ADA2: variants seen among roughly 807,000 people sequenced by gnomAD.
ADA2 encodes adenosine deaminase CECR1.
ADA2 carries 29 observed loss-of-function variants against 44.2 expected under a neutral mutation model. The observed-to-expected ratio is 0.66, with a 90% CI of 0.49 to 0.89. The LOEUF (loss-of-function observed/expected upper bound fraction) is 0.89, where lower values mean the gene tolerates loss of function less well. Among genes scored for constraint, ADA2 ranks in the 40% least tolerant of loss-of-function variants. The probability of loss-of-function intolerance (pLI) is 0.00; values close to 1 mark genes in which losing one functional copy is unlikely to be tolerated. For missense variants in ADA2, 637 were observed against 644.8 expected (o/e 0.99, Z 0.13); for synonymous variants, 215 against 234.9 (o/e 0.92, Z 0.77).
chr22:17,185,948 C>A (rs563412810), intron 7 of ADA2, among the ~76,000 whole-genome samples: 1 of 152,140 alleles, frequency 6.6e-6, no homozygotes, highest in Admixed American at 6.5e-5. Context: ...AAATTGCAGC[C>A]GTGATCTTTC....
intron 2 of ADA2, among the ~76,000 whole-genome samples, chr22:17,208,476 A>G (rs866197015): frequency 6.6e-5 from 10 of 151,376 alleles, no homozygotes; most frequent in South Asian, 4.2e-4. Context: ...AAGTCTTTGT[A>G]AACTGCAAGC....
At chr22:17,183,618 T>A (rs1386154708) in intron 7 of ADA2, among the ~76,000 whole-genome samples, 1 of 150,986 alleles carries the variant, frequency 6.6e-6, no homozygotes, top group Non-Finnish European at 1.5e-5. Flanking sequence ...CCCACCACCA[T>A]GCCCGGCTAT....
chr22:17,190,134 C>T (rs561896186), intron 5 of ADA2, 102 bp from the exon 6 acceptor site: 27 of 919,176 alleles, frequency 2.9e-5, no homozygotes, highest in Admixed American at 1.6e-4. Flanking sequence ...CCCAAGTGTG[C>T]AGGTCCCGTT....
intron 2 of ADA2, 45 bp downstream of exon 2, chr22:17,209,311 C>A: frequency 6.6e-7 from 1 of 1,512,324 alleles, no homozygotes; most frequent in Non-Finnish European, 9.1e-7. Flanking sequence ...AAGATGAGTC[C>A]CTCTACCTTC....
chr22:17,202,784 T>C (rs2062306056), intron 4 of ADA2, among the ~76,000 whole-genome samples: 1 of 149,906 alleles, frequency 6.7e-6, no homozygotes, highest in Non-Finnish European at 1.5e-5. Context: ...TTTTTTTTTT[T>C]GTGTGTGTGT....
In ADA2 at chr22:17,213,028, G is replaced by A. The variant is rs575603338; in HGVS notation, c.-46-3305C>T. On this transcript the variant is annotated intron_variant, in intron 1 of 9. Coordinates refer to ENST00000399837, the MANE Select transcript of ADA2 (RefSeq NM_001282225.2). ...TGGTCTCAAACTCCTGGGCTCAAGC[G>A]ATCCTCCTGCCTCTACCTCCCGACA... is the stretch of plus-strand genomic sequence containing the variant. Among the ~76,000 whole-genome samples, 35 of 150,634 alleles carry A rather than the reference G, an allele frequency of 2.3e-4. No homozygotes were observed. In the East Asian group the frequency reaches 3.0e-3, roughly 13 times the overall value.
chr22:17,182,397 C>T (rs1040304666), intron 8 of ADA2, among the ~76,000 whole-genome samples: 2 of 152,214 alleles, frequency 1.3e-5, no homozygotes, highest in African/African-American at 2.4e-5. Context: ...TTCCACCCCA[C>T]TGGGGACCCT....
intron 5 of ADA2, among the ~76,000 whole-genome samples, 170 bp from the exon 6 acceptor site, chr22:17,190,202 C>T (rs1303709490): frequency 2.0e-5 from 3 of 152,212 alleles, no homozygotes; most frequent in Non-Finnish European, 4.4e-5. Context: ...CCATTGTGAT[C>T]CCTGAGAGAT....
Position 17,194,518 on chromosome 22 carries a change from C to T in ADA2, c.754-2708G>A, listed in dbSNP as rs370099029. 7.2e-5 allele frequency among the ~76,000 whole-genome samples: 11 copies of T among 152,274 alleles called. No homozygotes were observed. In the East Asian group the frequency reaches 1.2e-3, roughly 16 times the overall value. On this transcript the variant is annotated intron_variant, in intron 4 of 9. Coordinates refer to ENST00000399837, the MANE Select transcript of ADA2 (RefSeq NM_001282225.2). ...GGTGCTGCCCCGCTGCCTGGGCAGG[C>T]GCAGTGGGGGAGCAGGCAGTGAGGC...
chr22:17,182,140 A>G lies in ADA2; in HGVS notation c.1240-118T>C, dbSNP rs2061978319. On this transcript the variant is annotated intron_variant, in intron 8 of 9. Transcript: ENST00000399837. ...TTCATCTTCCCATCACTATCTCCCC[A>G]GTATGGGGATGACTTCTGGGCAGAG... 9 of 769,940 alleles carry G rather than the reference A, an allele frequency of 1.2e-5. No homozygotes were observed. In the South Asian group the frequency reaches 1.6e-4, roughly 14 times the overall value. The allele number at this position is 769,940 out of a possible 1,614,324, so 47.7% of individuals were successfully genotyped here.
At chr22:17,184,318 T>A (rs2123613382) in intron 7 of ADA2, among the ~76,000 whole-genome samples, 1 of 152,272 alleles carries the variant, frequency 6.6e-6, no homozygotes, top group South Asian at 2.1e-4. Flanking sequence ...AGGTCAGATG[T>A]GCCTTTCTCA....
upstream of ADA2, among the ~76,000 whole-genome samples, chr22:17,221,296 T>A (rs199872663): frequency 1.9e-5 from 1 of 53,978 alleles, no homozygotes; most frequent in East Asian, 3.0e-3. Flanking sequence ...TTTTTGTGGG[T>A]TTTTTTTATA....
At chr22:17,187,200 G>A (rs2062045932) in intron 7 of ADA2, among the ~76,000 whole-genome samples, 1 of 150,180 alleles carries the variant, frequency 6.7e-6, no homozygotes, top group South Asian at 2.1e-4. Flanking sequence ...TTTCCTTTTT[G>A]TGTAGAATGG....
chr22:17,221,240 G>A (rs12170433), upstream of ADA2, among the ~76,000 whole-genome samples: 2,381 of 152,150 alleles, frequency 0.016, 58 homozygotes, highest in African/African-American at 0.052. Context: ...TTCCAGCGCC[G>A]CACAAAGGGA....
At chr22:17,209,921 C>T (rs533289015) in intron 1 of ADA2, 198 bp from the exon 2 acceptor site, 4,939 of 472,372 alleles carry the variant, frequency 0.01, 46 homozygotes, top group Non-Finnish European at 0.015. Context: ...GACGGAGTCT[C>T]GCTCTGCTGC....
intron 2 of ADA2, among the ~76,000 whole-genome samples, chr22:17,208,542 C>T (rs1019145094): frequency 6.6e-6 from 1 of 151,908 alleles, no homozygotes; most frequent in Non-Finnish European, 1.5e-5. Context: ...GTGGCTCACA[C>T]CTGTAATCCC....
chr22:17,192,808 G>A (rs1007130954), intron 4 of ADA2: 32 of 318,634 alleles, frequency 1.0e-4, no homozygotes, highest in Admixed American at 2.2e-4. Context: ...CAGCCTGGGC[G>A]ACAAAGCAAG....
At chr22:17,204,078 G>A (rs2062324634) in intron 3 of ADA2, among the ~76,000 whole-genome samples, 1 of 151,918 alleles carries the variant, frequency 6.6e-6, no homozygotes, top group Non-Finnish European at 1.5e-5. Context: ...TGGCCAGTCT[G>A]ACCCCACTGT....
chr22:17,184,491 C>G (rs2062012685), intron 7 of ADA2, among the ~76,000 whole-genome samples: 1 of 152,150 alleles, frequency 6.6e-6, no homozygotes, highest in Non-Finnish European at 1.5e-5. Context: ...ATCCGACAAC[C>G]AAGTGGGGCA....
Sources: allele counts gnomAD v4.1 joint callset (sites outside exome capture counted in the v4.1 genomes callset), GRCh38; gene constraint gnomAD v4.1.1; transcripts MANE v1.5; gene names NCBI Gene and HGNC (gene_info 2026-07-23, HGNC 2026-07-21).